The following SUN5 variants were observed in gnomAD, a reference collection of about 807,000 sequenced individuals.
SUN5 encodes Sad1 and UNC84 domain containing 5, also known as SUN domain-containing protein 5.
SUN5 carries 44 observed loss-of-function variants against 53.7 expected under a neutral mutation model. That is an observed-to-expected ratio of 0.82 (90% CI 0.64 to 1.05). The LOEUF (loss-of-function observed/expected upper bound fraction) is 1.05. SUN5 is among the 50% of genes least tolerant of loss of function. The probability of loss-of-function intolerance (pLI) is 0.00; values close to 1 mark genes in which losing one functional copy is unlikely to be tolerated. For missense variants in SUN5, 433 were observed against 483.8 expected (o/e 0.90, Z 0.98); for synonymous variants, 166 against 179.8 (o/e 0.92, Z 0.62).
intron 8 of SUN5, among the ~76,000 whole-genome samples, chr20:32,990,256 G>A (rs1411438467): frequency 6.6e-6 from 1 of 152,228 alleles, no homozygotes; most frequent in Non-Finnish European, 1.5e-5. Flanking sequence ...ATGAGGCAGA[G>A]CGATCACTGT....
rs376203586 is a variant in SUN5, at chr20:32,985,205, G to A, written c.898-20C>T. ...CATGCCCTGTGGAACCAGAACCAAG[G>A]TGAAGGCGTCAGATACAAGCAGGGC... On this transcript the variant is annotated intron_variant, in intron 11 of 12. Transcript: ENST00000356173. 4.5e-5 allele frequency: 72 copies of A among 1,612,292 alleles called. No individual in the cohort carries two copies. Among genetic ancestry groups the A allele is most frequent in the South Asian group, 2.2e-5 (2 of 90,958 alleles).
intron 1 of SUN5, 149 bp from the exon 2 acceptor site, chr20:33,003,068 T>C: frequency 1.2e-6 from 1 of 867,222 alleles, no homozygotes. Flanking sequence ...CAGACCCAGG[T>C]CTGGCTGACC....
chr20:32,986,608 G>A (rs1989547322), intron 10 of SUN5, among the ~76,000 whole-genome samples: 2 of 152,192 alleles, frequency 1.3e-5, no homozygotes, highest in South Asian at 4.1e-4. Flanking sequence ...GGAGCCAGCT[G>A]GGAAAGGGAG....
chr20:32,984,900 G>A (rs576957310), intron 12 of SUN5, among the ~76,000 whole-genome samples, 199 bp downstream of exon 12: 9 of 152,208 alleles, frequency 5.9e-5, no homozygotes, highest in Non-Finnish European at 1.3e-4. Context: ...GGCCACAGGC[G>A]GTGGGATCTC....
At chr20:32,986,787 C>A (rs1292464811) in intron 10 of SUN5, among the ~76,000 whole-genome samples, 1 of 152,208 alleles carries the variant, frequency 6.6e-6, no homozygotes, top group Non-Finnish European at 1.5e-5. Context: ...GCTTTGCAAC[C>A]CAGCCACTGC....
rs771573806 is a variant in SUN5, at chr20:33,001,284, C to T, written c.212-6G>A. The T allele has an allele frequency of 1.8e-5, 28 of 1,569,764 alleles. No individual in the cohort carries two copies. Among genetic ancestry groups the T allele is most frequent in the South Asian group, 4.7e-5 (4 of 85,506 alleles). On this transcript the variant is annotated splice_polypyrimidine_tract_variant and splice_region_variant and intron_variant, in intron 3 of 12. Transcript: ENST00000356173. ...GGCAAAACAGGTGAACCAGGCTGCA[C>T]GGGAGACAGAAAAGCAGTGACTCAC...
intron 8 of SUN5, 77 bp downstream of exon 8, chr20:32,995,542 G>T: frequency 1.6e-6 from 2 of 1,266,836 alleles, no homozygotes; most frequent in Non-Finnish European, 2.3e-6. Context: ...AACCAAGAAA[G>T]AACACTTGAG....
intron 5 of SUN5, 22 bp from the exon 6 acceptor site, chr20:32,997,709 A>C: frequency 6.2e-7 from 1 of 1,613,646 alleles, no homozygotes. Context: ...TGAGAATAAG[A>C]ATGAGCCATT....
At chr20:33,002,476 C>T (rs1990075454) in intron 3 of SUN5, 111 bp downstream of exon 3, 3 of 990,068 alleles carry the variant, frequency 3.0e-6, no homozygotes, top group South Asian at 2.7e-5. Flanking sequence ...CTCCCCACCA[C>T]CCCTGCAGTC....
chr20:33,004,050 A>G (rs970625375), intron 1 of SUN5, among the ~76,000 whole-genome samples: 1 of 152,206 alleles, frequency 6.6e-6, no homozygotes, highest in Non-Finnish European at 1.5e-5. Context: ...CCCGGCACAC[A>G]GTAGATGCTC....
intron 8 of SUN5, 69 bp from the exon 9 acceptor site, chr20:32,989,767 G>T: frequency 7.5e-7 from 1 of 1,324,898 alleles, no homozygotes. Flanking sequence ...ACGTGTCCAC[G>T]GGAGGTAACA....
At chr20:32,998,865 A>T (rs1400719036) in intron 5 of SUN5, among the ~76,000 whole-genome samples, 2 of 151,686 alleles carry the variant, frequency 1.3e-5, no homozygotes, top group Non-Finnish European at 2.9e-5. Flanking sequence ...AAAAAAAAAA[A>T]TTTAAACAAA....
At chr20:32,996,198 G>A in intron 7 of SUN5, 126 bp downstream of exon 7, 1 of 889,012 alleles carries the variant, frequency 1.1e-6, no homozygotes, top group East Asian at 2.6e-5. Context: ...AGAAGGCATG[G>A]GAGTTAGGAT....
At chr20:32,999,794 TG>T in intron 5 of SUN5, 3 of 911,442 alleles carry the variant, frequency 3.3e-6, no homozygotes, top group Non-Finnish European at 5.0e-6. Flanking sequence ...TTGTGCGAGG[TG>T]GGGGTGGTGG....
rs1990128209 is a variant in SUN5 at position 33,004,277 on chromosome 20, G to A, written c.64C>T (p.Pro22Ser). The A allele has an allele frequency of 1.3e-6, 2 of 1,576,912 alleles. No individual in the cohort carries two copies. Among genetic ancestry groups the A allele is most frequent in the African/African-American group, 1.3e-5 (1 of 74,236 alleles). The stretch of plus-strand genomic sequence containing the variant: ...TGCCATCCTCACCTCCGGGGTCTGG[G>A]ATTGTGGGCCACATCTTCGAGTAGG... ...GALLEDVAHN[P>S]RPRRIAQRGR... The change falls in exon 1 of 13, where the codon CCC (proline) becomes TCC (serine). Residue 22 changes from proline (P) to serine (S), a missense_variant. Coordinates refer to ENST00000356173, the MANE Select transcript of SUN5 (RefSeq NM_080675.4).
intron 2 of SUN5, 93 bp from the exon 3 acceptor site, chr20:33,002,754 C>A: frequency 6.3e-7 from 1 of 1,594,128 alleles, no homozygotes. Flanking sequence ...GTGCGAACAT[C>A]CCTGCCCCTG....
chr20:33,004,042 C>T (rs922678622), intron 1 of SUN5, among the ~76,000 whole-genome samples: 21 of 152,182 alleles, frequency 1.4e-4, no homozygotes, highest in Admixed American at 3.3e-4. Flanking sequence ...GTGCATTTCC[C>T]GGCACACAGT....
At chr20:32,985,279 G>T in intron 11 of SUN5, 94 bp from the exon 12 acceptor site, 1 of 1,139,110 alleles carries the variant, frequency 8.8e-7, no homozygotes, top group Non-Finnish European at 1.3e-6. Context: ...CACTCCCCAG[G>T]ATGGGAGCTC....
At chr20:32,995,566 G>T in intron 8 of SUN5, 53 bp downstream of exon 8, 1 of 1,479,142 alleles carries the variant, frequency 6.8e-7, no homozygotes, top group Non-Finnish European at 9.4e-7. Context: ...TAGGAAACAG[G>T]ACATCAAACA....
Sources: allele counts gnomAD v4.1 joint callset (sites outside exome capture counted in the v4.1 genomes callset), GRCh38; gene constraint gnomAD v4.1.1; transcripts MANE v1.5; gene names NCBI Gene and HGNC (gene_info 2026-07-23, HGNC 2026-07-21).